DNAH10: variants seen among roughly 807,000 people sequenced by gnomAD.
The protein encoded by DNAH10 is dynein axonemal heavy chain 10.
DNAH10 carries 348 observed loss-of-function variants against 506.6 expected under a neutral mutation model. The ratio of observed to expected loss-of-function variants is 0.69; its 90% CI spans 0.63 to 0.75. The LOEUF (loss-of-function observed/expected upper bound fraction) is 0.75, where lower values mean the gene tolerates loss of function less well. Among genes scored for constraint, DNAH10 ranks in the 30% least tolerant of loss-of-function variants. DNAH10 has a pLI of 0.00. For synonymous variants in DNAH10, 2,059 were observed against 2,198.6 expected (o/e 0.94, Z 1.78); for missense variants, 5,179 against 5,787.1 (o/e 0.89, Z 3.41).
Position 123,916,725 on chromosome 12 carries a change from T to C in DNAH10, c.10991T>C (p.Ile3664Thr). 4.3e-6 allele frequency: 7 copies of C among 1,609,854 alleles called. No individual in the cohort carries two copies. Among genetic ancestry groups the C allele is most frequent in the Non-Finnish European group, 4.2e-6 (5 of 1,177,462 alleles). The stretch of plus-strand genomic sequence containing the variant: ...TCCGTGTTTGGGAAAGCTATGGTGA[T>C]CAATTACACTGGTAAGAATGTGTAG... ...SPSVFGKAMVINYTVTLKGLE... is the reference protein window; with the variant it reads ...SPSVFGKAMVTNYTVTLKGLE... The change falls in exon 63 of 79, where the codon ATC becomes ACC. Residue 3664 changes from isoleucine to threonine, a missense_variant. By Grantham distance (89) the Ile-to-Thr change is moderately conservative (BLOSUM62 -1). This residue lies in a region of DNAH10 where 4,844 missense variants were observed against 5,430.5 expected (regional missense o/e 0.89). Transcript: ENST00000673944. This position sits in a 1 kb window ranked among gnomAD's most constrained non-coding sequence, Gnocchi z 4.6.
At chr12:123,833,714 T>C (rs1322868750) in intron 27 of DNAH10, among the ~76,000 whole-genome samples, 4 of 152,216 alleles carry the variant, frequency 2.6e-5, no homozygotes, top group African/African-American at 4.8e-5. Context: ...CTCTACACTT[T>C]TTAAAAAAAT....
intron 5 of DNAH10, among the ~76,000 whole-genome samples, chr12:123,774,724 G>A (rs867547944): frequency 6.6e-5 from 10 of 152,352 alleles, no homozygotes; most frequent in Middle Eastern, 3.4e-3. Flanking sequence ...GGCTTTCAGC[G>A]GTTTTCCACC....
rs35755869 is a variant in DNAH10 at position 123,785,636 on chromosome 12, GAA to G, written c.1231-93_1231-92del. 0.13 allele frequency: 90,570 copies of G among 692,540 alleles called. 107 individuals carry two copies. The highest frequency in any genetic ancestry group is 0.26 in the East Asian group (7,092 of 27,212). 42.9% of individuals were successfully genotyped at this position (692,540 alleles called of 1,614,324 possible). On this transcript the variant is annotated intron_variant, in intron 8 of 78. Coordinates refer to ENST00000673944, the MANE Select transcript of DNAH10 (RefSeq NM_001372106.1). This position sits in a 1 kb window ranked among gnomAD's most constrained non-coding sequence, Gnocchi z 4.1. ...CCTGGGCACCAGACTTGGTCTCAAG[GAA>G]AAAAAAAAAAAAAAAAGAGTGAAAC...
In DNAH10 at chr12:123,785,637, A is replaced by G. The variant is rs1165074818; in HGVS notation, c.1231-109A>G. 4 of 21,734 alleles carry G rather than the reference A, an allele frequency of 1.8e-4. No homozygotes were observed. Among genetic ancestry groups the G allele is most frequent in the East Asian group, 0.1 (1 of 10 alleles). The allele number at this position is 21,734 out of a possible 1,614,324, so 1.3% of individuals were successfully genotyped here. On this transcript the variant is annotated intron_variant, in intron 8 of 78. Coordinates refer to ENST00000673944, the MANE Select transcript of DNAH10 (RefSeq NM_001372106.1). The surrounding 1 kb of genome is among the most constrained non-coding windows in gnomAD (Gnocchi z 4.1). ...CTGGGCACCAGACTTGGTCTCAAGGAAAAAAAAAAAAAAAAAAGAGTGAAA... is the reference window on the plus strand; with the variant it reads ...CTGGGCACCAGACTTGGTCTCAAGGGAAAAAAAAAAAAAAAAAGAGTGAAA...
At position 123,769,922 on chromosome 12, in the gene DNAH10, G is replaced by GTTTT. The variant is rs373397275; in HGVS notation, c.299-1665_299-1662dup. On this transcript the variant is annotated intron_variant, in intron 2 of 78. Transcript: ENST00000673944. Reference sequence around the variant, plus strand: ...ATGTGTGCCACCATGCCTGGCTAAGGTTTTTTTTTTTTTTTTTAACTTAAA... The same window carrying GTTTT: ...ATGTGTGCCACCATGCCTGGCTAAGGTTTTTTTTTTTTTTTTTTTTTAACTTAAA... 7.5e-3 allele frequency among the ~76,000 whole-genome samples: 1,054 copies of GTTTT among 139,922 alleles called. 40 individuals are homozygous for GTTTT. Among genetic ancestry groups the GTTTT allele is most frequent in the East Asian group, 0.037 (176 of 4,726 alleles). The allele number at this position is 139,922 out of a possible 152,430, so 91.8% of individuals were successfully genotyped here. A position where few individuals can be genotyped will look rare whatever the true frequency, so the allele number is the denominator to read the frequency against.
chr12:123,880,949 CT>C (rs1447911388), intron 50 of DNAH10, among the ~76,000 whole-genome samples: 1 of 151,938 alleles, frequency 6.6e-6, no homozygotes, highest in Non-Finnish European at 1.5e-5. Context: ...TGGTTTCCAG[CT>C]TCATCCATGT....
chr12:123,915,251 C>T (rs1195353687), intron 62 of DNAH10, among the ~76,000 whole-genome samples: 1 of 152,150 alleles, frequency 6.6e-6, no homozygotes, highest in African/African-American at 2.4e-5. Flanking sequence ...GCTTCGTGTT[C>T]CTCTGTCCAG....
chr12:123,926,984 A>G lies in DNAH10; in HGVS notation c.12105+164A>G. 1 of 736,708 alleles carries G rather than the reference A, an allele frequency of 1.4e-6. No individual in the cohort carries two copies. The highest frequency in any genetic ancestry group is 2.2e-6 in the Non-Finnish European group (1 of 459,782). 45.6% of individuals were successfully genotyped at this position (736,708 alleles called of 1,614,324 possible). On this transcript the variant is annotated intron_variant, in intron 69 of 78. Transcript: ENST00000673944. The surrounding 1 kb of genome is among the most constrained non-coding windows in gnomAD (Gnocchi z 4.1). ...GAAACACTGGGAAGATGACAATAAT[A>G]GTTATGATTTCACAACCTCATGTTG...
In DNAH10 at chr12:123,871,478, G is replaced by A. The variant is rs201908206; in HGVS notation, c.7661G>A (p.Arg2554Gln). The A allele has an allele frequency of 4.3e-4, 673 of 1,582,714 alleles. No individual in the cohort carries two copies. The highest frequency in any genetic ancestry group is 5.4e-4 in the Non-Finnish European group (627 of 1,163,012). Reference protein sequence around the residue: ...NILVHTVDTTRTTWILEQMVK... With the variant: ...NILVHTVDTTQTTWILEQMVK... ...TTAGTTCACACAGTGGATACCACTC[G>A]GACTACCTGGATATTGGAACAAATG... Residue 2554 changes from arginine (R) to glutamine (Q), a missense_variant, in exon 45 of 79, where the codon CGG (arginine) becomes CAG (glutamine). Physicochemically the swap from Arg to Gln is conservative, Grantham distance 43. Transcript: ENST00000673944.
chr12:123,835,706 C>G (rs1961065584), intron 28 of DNAH10, among the ~76,000 whole-genome samples, 178 bp downstream of exon 28: 1 of 152,248 alleles, frequency 6.6e-6, no homozygotes, highest in Middle Eastern at 3.4e-3. Flanking sequence ...CTCCCTGTAG[C>G]CTTGAACTTA....
At position 123,917,019 on chromosome 12, in the gene DNAH10, T is replaced by G. The variant is rs74689230; in HGVS notation, c.11002+283T>G. ...TGTGGGGGCAGGAAGTTACTCTATATTCGTGTATTTAAAATACATGTTGTG... is the reference window on the plus strand; with the variant it reads ...TGTGGGGGCAGGAAGTTACTCTATAGTCGTGTATTTAAAATACATGTTGTG... On this transcript the variant is annotated intron_variant, in intron 63 of 78. Transcript: ENST00000673944. This position sits in a 1 kb window ranked among gnomAD's most constrained non-coding sequence, Gnocchi z 5.6. Among the ~76,000 whole-genome samples, 5,767 of 152,318 alleles carry G rather than the reference T, an allele frequency of 0.038. 341 individuals are homozygous for G. The highest frequency in any genetic ancestry group is 0.12 in the African/African-American group (5,017 of 41,552).
intron 52 of DNAH10, among the ~76,000 whole-genome samples, chr12:123,888,068 C>G (rs899823313): frequency 1.3e-5 from 2 of 152,128 alleles, no homozygotes; most frequent in African/African-American, 4.8e-5. Flanking sequence ...AGAAGTTAGC[C>G]AGGCATGATG....
chr12:123,787,840 A>G lies in DNAH10; in HGVS notation c.1458A>G (p.Glu486=), dbSNP rs1957919531. The change falls in exon 10 of 79, where the codon GAA becomes GAG. Residue 486 remains glutamate, a synonymous_variant. Transcript: ENST00000673944. This position sits in a 1 kb window ranked among gnomAD's most constrained non-coding sequence, Gnocchi z 4.6. ...CGAGTGCCCAAAGCAAAACCTTGGAAGCCAGGAACACCCTCAGGCTGTGGA... is the reference window on the plus strand; with the variant it reads ...CGAGTGCCCAAAGCAAAACCTTGGAGGCCAGGAACACCCTCAGGCTGTGGA... ...NRASAQSKTL[E]ARNTLRLWKK... 1 of 1,614,090 alleles carries G rather than the reference A, an allele frequency of 6.2e-7. No homozygotes were observed. Among genetic ancestry groups the G allele is most frequent in the African/African-American group, 1.3e-5 (1 of 75,070 alleles).
chr12:123,899,388 G>A (rs768016181), intron 56 of DNAH10, among the ~76,000 whole-genome samples: 3 of 152,112 alleles, frequency 2.0e-5, no homozygotes, highest in Non-Finnish European at 2.9e-5. Context: ...CTTCTGATGT[G>A]TACCCTCCCC....
chr12:123,897,099 C>G (rs1953285803), intron 54 of DNAH10, among the ~76,000 whole-genome samples: 1 of 152,182 alleles, frequency 6.6e-6, no homozygotes, highest in South Asian at 2.1e-4. Context: ...TGGAATCATG[C>G]AATGTTTGTC....
At chr12:123,765,381 G>C (rs770138869) in intron 1 of DNAH10, among the ~76,000 whole-genome samples, 10 of 152,076 alleles carry the variant, frequency 6.6e-5, no homozygotes, top group Non-Finnish European at 1.2e-4. Flanking sequence ...CATATAAAAA[G>C]AAAAAGCAAC....
intron 23 of DNAH10, among the ~76,000 whole-genome samples, chr12:123,820,215 G>A (rs559704319): frequency 5.5e-4 from 84 of 152,248 alleles, no homozygotes; most frequent in African/African-American, 1.8e-3. Flanking sequence ...TGGAATTGGG[G>A]GAGAAGCATA....
At chr12:123,767,739 C>A (rs756429686) in intron 2 of DNAH10, 50 bp downstream of exon 2, 1 of 1,523,116 alleles carries the variant, frequency 6.6e-7, no homozygotes, top group Non-Finnish European at 9.0e-7. Context: ...AAAGCCCCCC[C>A]GCAGCGGGAG....
chr12:123,896,146 CACAGAGAGAGAGAGAG>C (rs1953224852), intron 54 of DNAH10, among the ~76,000 whole-genome samples: 1 of 102,530 alleles, frequency 9.8e-6, no homozygotes, highest in African/African-American at 5.1e-5. Context: ...CACACACACA[CACAGAGAGAGAGAGAG>C]AGAGAGAGAG....
Sources: gnomAD v4.1 joint callset for allele counts (sites outside exome capture counted in the v4.1 genomes callset) on GRCh38, gnomAD v4.1.1 for gene constraint, gnomAD v4.1.1 regional missense constraint, Gnocchi (gnomAD v3.1) non-coding constraint, MANE v1.5 for transcripts, NCBI Gene and HGNC (gene_info 2026-07-23, HGNC 2026-07-21) for gene names.